Variants in RPTOR observed in about 807,000 individuals in gnomAD.
RPTOR encodes regulatory associated protein of MTOR complex 1.
A neutral mutation model predicts 169.9 loss-of-function variants in RPTOR; 21 were observed. That is an observed-to-expected ratio of 0.12 (90% CI 0.09 to 0.18). The LOEUF (loss-of-function observed/expected upper bound fraction) is 0.18. Ranked by LOEUF, RPTOR falls within the 10% of genes least tolerant of loss-of-function variation. The pLI is 1.00. For missense variants in RPTOR, 1,133 were observed against 1,855.9 expected, an observed-to-expected ratio of 0.61 and a Z score of 7.16; for synonymous variants, 732 against 753.2, an observed-to-expected ratio of 0.97 and a Z score of 0.46.
At chr17:80,592,212 G>C (rs902504638) in intron 1 of RPTOR, among the ~76,000 whole-genome samples, 1 of 152,212 alleles carries the variant, frequency 6.6e-6, no homozygotes, top group African/African-American at 2.4e-5. Flanking sequence ...GAGAGCAGTA[G>C]ATTAGGTAGG....
chr17:80,947,949 C>T lies in RPTOR; in HGVS notation c.3265+598C>T, dbSNP rs2069122786. Among the ~76,000 whole-genome samples the T allele has an allele frequency of 6.6e-6, 1 of 152,250 alleles. No homozygotes were observed. Among genetic ancestry groups the T allele is most frequent in the Non-Finnish European group, 1.5e-5 (1 of 68,050 alleles). ...GGGGTCCGAAATGTCTTAGTTTCATCTTCACTTTGGAACAATCGTTTGTTT... is the reference window on the plus strand; with the variant it reads ...GGGGTCCGAAATGTCTTAGTTTCATTTTCACTTTGGAACAATCGTTTGTTT... On this transcript the variant is annotated intron_variant, in intron 27 of 33. Coordinates refer to ENST00000306801, the MANE Select transcript of RPTOR (RefSeq NM_020761.3). This position sits in a 1 kb window ranked among gnomAD's most constrained non-coding sequence, Gnocchi z 4.4.
chr17:80,635,676 C>T (rs1422298884), intron 2 of RPTOR, among the ~76,000 whole-genome samples: 2 of 152,040 alleles, frequency 1.3e-5, no homozygotes, highest in African/African-American at 4.8e-5. Context: ...AGAGGCAGGG[C>T]CCTGAGGGTG....
In RPTOR at chr17:80,754,063, G is replaced by A. The variant is rs373950682; in HGVS notation, c.708G>A (p.Ser236=). The change falls in exon 6 of 34, where the codon TCG becomes TCA. Residue 236 remains serine, a synonymous_variant. Transcript: ENST00000306801. The surrounding 1 kb of genome is among the most constrained non-coding windows in gnomAD (Gnocchi z 4.2). ...TTGCTCAGATGCCTTTGCCTCCGTC[G>A]ATGAAAAACTGCATCCAGCTGGCAG... ...HPLAQMPLPP[S]MKNCIQLAAC... is the part of the protein sequence containing the mutation. 1.2e-5 allele frequency: 19 copies of A among 1,613,948 alleles called. No individual in the cohort carries two copies. Among genetic ancestry groups the A allele is most frequent in the Non-Finnish European group, 1.5e-5 (18 of 1,180,018 alleles).
intron 5 of RPTOR, among the ~76,000 whole-genome samples, chr17:80,742,747 T>C (rs564566582): frequency 1.1e-4 from 16 of 151,736 alleles, no homozygotes; most frequent in Middle Eastern, 3.4e-3. Flanking sequence ...TGCGCACACA[T>C]ACATGCACAT....
chr17:80,617,627 T>TTTTA (rs1307983064), intron 1 of RPTOR, among the ~76,000 whole-genome samples: 2 of 152,038 alleles, frequency 1.3e-5, no homozygotes, highest in Non-Finnish European at 2.9e-5. Context: ...AGATCACGTA[T>TTTTA]TTTTGCTCTG....
At chr17:80,700,695 T>TAGA (rs2066086345) in intron 3 of RPTOR, among the ~76,000 whole-genome samples, 1 of 93,904 alleles carries the variant, frequency 1.1e-5, no homozygotes, top group Non-Finnish European at 2.4e-5. Context: ...GTGGTGATGG[T>TAGA]GATGGTGGTG....
chr17:80,800,579 C>T (rs200240718), intron 7 of RPTOR, among the ~76,000 whole-genome samples: 2 of 152,176 alleles, frequency 1.3e-5, no homozygotes, highest in African/African-American at 2.4e-5. Flanking sequence ...GAGCGACCCC[C>T]CCAGTTTCTA....
chr17:80,840,895 C>T (rs1598345262), intron 10 of RPTOR, among the ~76,000 whole-genome samples: 1 of 131,614 alleles, frequency 7.6e-6, no homozygotes, highest in Non-Finnish European at 1.6e-5. Context: ...GCAGCTCACA[C>T]TCACCACACG....
intron 1 of RPTOR, among the ~76,000 whole-genome samples, chr17:80,587,144 C>T (rs1234248199): frequency 2.0e-5 from 3 of 151,300 alleles, no homozygotes; most frequent in East Asian, 1.9e-4. Context: ...CAGCCCCGCT[C>T]GCCCCTCTGG....
intron 17 of RPTOR, among the ~76,000 whole-genome samples, chr17:80,887,199 C>G (rs898052491): frequency 1.3e-5 from 2 of 150,764 alleles, no homozygotes; most frequent in Non-Finnish European, 3.0e-5. Flanking sequence ...TCCGGAGGTG[C>G]GCTGGCTCTG....
rs530886963 is a variant in RPTOR, at chr17:80,908,745, C to T, written c.2402-66C>T. On this transcript the variant is annotated intron_variant, in intron 20 of 33. Transcript: ENST00000306801. ...ACCAGGGTTAGGGTTTCAGAAAATGCAGCCGCCTTAGGAGCCTCATTGGCA... is the reference window on the plus strand; with the variant it reads ...ACCAGGGTTAGGGTTTCAGAAAATGTAGCCGCCTTAGGAGCCTCATTGGCA... 6 of 1,160,628 alleles carry T rather than the reference C, an allele frequency of 5.2e-6. No individual in the cohort carries two copies. The East Asian group carries it at 9.5e-5, about 18-fold the overall frequency. The allele number at this position is 1,160,628 out of a possible 1,614,324, so 71.9% of individuals were successfully genotyped here. A position where few individuals can be genotyped will look rare whatever the true frequency, so the allele number is the denominator to read the frequency against.
chr17:80,713,709 T>C (rs2066216189), intron 4 of RPTOR, among the ~76,000 whole-genome samples: 1 of 152,146 alleles, frequency 6.6e-6, no homozygotes, highest in Admixed American at 6.5e-5. Context: ...GTATTATTGA[T>C]GATAAAGAGG....
At chr17:80,684,448 AT>A (rs1318507294) in intron 3 of RPTOR, among the ~76,000 whole-genome samples, 12 of 96,714 alleles carry the variant, frequency 1.2e-4, no homozygotes, top group Admixed American at 1.0e-3. Context: ...TTATTTATTT[AT>A]TTAATTTTTC....
intron 21 of RPTOR, among the ~76,000 whole-genome samples, chr17:80,918,144 C>A (rs1457751670): frequency 6.6e-6 from 1 of 152,250 alleles, no homozygotes; most frequent in East Asian, 1.9e-4. Context: ...CCCCTCACTG[C>A]AGACCTGGGG....
rs563213629 is a variant in RPTOR, at chr17:80,827,544, G to A, written c.1136+4321G>A. ...ACACACAGTCACAGCAGCCATCACC[G>A]TTGCCATATTCTGCTGGTTGAAAGC... On this transcript the variant is annotated intron_variant, in intron 9 of 33. Transcript: ENST00000306801. Among the ~76,000 whole-genome samples the A allele has an allele frequency of 5.3e-5, 8 of 152,300 alleles. No homozygotes were observed. The South Asian group carries it at 1.0e-3, about 20-fold the overall frequency.
In RPTOR at chr17:80,659,163, G is replaced by A. The variant is rs1029886437; in HGVS notation, c.348+15353G>A. 9.8e-5 allele frequency among the ~76,000 whole-genome samples: 15 copies of A among 152,300 alleles called. No homozygotes were observed. Among genetic ancestry groups the A allele is most frequent in the Non-Finnish European group, 1.9e-4 (13 of 68,026 alleles). ...AGGCTGGAGCCCATGAGTGGTCCCCGAGAGATTGCCTCCGAGCGCTGTTAG... is the reference window on the plus strand; with the variant it reads ...AGGCTGGAGCCCATGAGTGGTCCCCAAGAGATTGCCTCCGAGCGCTGTTAG... On this transcript the variant is annotated intron_variant, in intron 3 of 33. Coordinates refer to ENST00000306801, the MANE Select transcript of RPTOR (RefSeq NM_020761.3). The surrounding 1 kb of genome is among the most constrained non-coding windows in gnomAD (Gnocchi z 4.3).
intron 5 of RPTOR, among the ~76,000 whole-genome samples, chr17:80,744,962 TTCTAGCAGAGC>T (rs1333150517): frequency 6.3e-5 from 9 of 142,078 alleles, no homozygotes; most frequent in African/African-American, 2.1e-4. Flanking sequence ...GAGCCCTGGC[TTCTAGCAGAGC>T]CCTGGTTACT....
intron 13 of RPTOR, among the ~76,000 whole-genome samples, chr17:80,877,077 C>G (rs2068128805): frequency 6.6e-6 from 1 of 151,054 alleles, no homozygotes; most frequent in Non-Finnish European, 1.5e-5. Context: ...TGGGTCTTCC[C>G]ACTGAGCCCG....
chr17:80,667,105 C>A (rs1349770943), intron 3 of RPTOR, among the ~76,000 whole-genome samples: 5 of 152,166 alleles, frequency 3.3e-5, no homozygotes, highest in Non-Finnish European at 5.9e-5. Flanking sequence ...CCTTTCCCAG[C>A]GTGCCAGTGC....
Sources: allele counts gnomAD v4.1 joint callset (sites outside exome capture counted in the v4.1 genomes callset), GRCh38; gene constraint gnomAD v4.1.1; non-coding constraint Gnocchi (gnomAD v3.1); transcripts MANE v1.5; gene names NCBI Gene and HGNC (gene_info 2026-07-23, HGNC 2026-07-21).